The following STK33 variants were observed in gnomAD, a reference collection of about 807,000 sequenced individuals.
STK33 encodes serine/threonine kinase 33.
A neutral mutation model predicts 58.0 loss-of-function variants in STK33; 52 were observed. The observed-to-expected ratio is 0.90, with a 90% CI of 0.72 to 1.13. The LOEUF is 1.13. STK33 is among the 50% of genes most tolerant of loss of function. The pLI is 0.00. For missense variants in STK33, 630 were observed against 604.2 expected, an observed-to-expected ratio of 1.04 and a Z score of -0.45; for synonymous variants, 215 against 200.1, an observed-to-expected ratio of 1.07 and a Z score of -0.63.
chr11:8,523,655 G>A (rs925258954), intron 1 of STK33, among the ~76,000 whole-genome samples: 5 of 151,288 alleles, frequency 3.3e-5, no homozygotes, highest in Non-Finnish European at 5.9e-5. Flanking sequence ...CCCAGTCCGG[G>A]AGGTGGGGGG....
At chr11:8,343,546 G>A in the STK33 span, among the ~76,000 whole-genome samples, 2 of 152,132 alleles carry the variant, frequency 1.3e-5, no homozygotes, top group Non-Finnish European at 2.9e-5. Context: ...CCGCACACTC[G>A]GGCAGAAAGA....
intron 1 of STK33, among the ~76,000 whole-genome samples, chr11:8,589,885 GA>G (rs2032319329): frequency 6.6e-6 from 1 of 152,174 alleles, no homozygotes; most frequent in Admixed American, 6.5e-5. Context: ...GGATTTCCAT[GA>G]AAAATATCCA....
chr11:8,418,288 G>C (rs1941414220), intron 14 of STK33, among the ~76,000 whole-genome samples: 2 of 151,780 alleles, frequency 1.3e-5, no homozygotes, highest in South Asian at 2.1e-4. Flanking sequence ...TCCCCTCTTT[G>C]TGTCCATGAG....
intron 1 of STK33, among the ~76,000 whole-genome samples, chr11:8,499,675 T>C (rs1951355789): frequency 6.6e-6 from 1 of 152,162 alleles, no homozygotes; most frequent in South Asian, 2.1e-4. Flanking sequence ...CCAAGCCAAA[T>C]ATCCATCAAT....
At chr11:8,354,474 T>TCACACACACA in the STK33 span, among the ~76,000 whole-genome samples, 2,790 of 124,684 alleles carry the variant, frequency 0.022, 64 homozygotes, top group African/African-American at 0.035. Context: ...CTGCAAAACC[T>TCACACACACA]CACACACACA....
At chr11:8,487,748 C>G (rs914922835) in intron 1 of STK33, among the ~76,000 whole-genome samples, 1 of 152,028 alleles carries the variant, frequency 6.6e-6, no homozygotes, top group African/African-American at 2.4e-5. Flanking sequence ...CTGTGGAATA[C>G]CATCAGCAAA....
chr11:8,571,331 T>A (rs72855112), intron 1 of STK33, among the ~76,000 whole-genome samples: 1,647 of 152,304 alleles, frequency 0.011, 15 homozygotes, highest in Middle Eastern at 0.041. Context: ...CATTGTATGA[T>A]TCCACTTATA....
intron 15 of STK33, among the ~76,000 whole-genome samples, chr11:8,394,979 G>C (rs930336047): frequency 6.6e-6 from 1 of 152,064 alleles, no homozygotes; most frequent in Non-Finnish European, 1.5e-5. Context: ...TGCCCCCAAA[G>C]ACAACCAATA....
rs34739881 is a variant in STK33, at chr11:8,421,077, CTT to C, written c.1147-7387_1147-7386del. ...TTTTGCTTATTTCCAGTACAAAAGC[CTT>C]TTCTCAGTTTATAACTTATCAGCTT... On this transcript the variant is annotated intron_variant, in intron 14 of 15. Transcript: ENST00000687296. Among the ~76,000 whole-genome samples, 1,280 of 151,946 alleles carry C rather than the reference CTT, an allele frequency of 8.4e-3. 16 individuals are homozygous for C. Among genetic ancestry groups the C allele is most frequent in the African/African-American group, 0.028 (1,180 of 41,470 alleles).
At chr11:8,543,823 T>C (rs777774500) in intron 1 of STK33, among the ~76,000 whole-genome samples, 1 of 152,122 alleles carries the variant, frequency 6.6e-6, no homozygotes, top group African/African-American at 2.4e-5. Flanking sequence ...ATATTACACA[T>C]TGCATGCATG....
At chr11:8,461,976 T>G in intron 7 of STK33, 67 bp from the exon 8 acceptor site, 2 of 1,245,726 alleles carry the variant, frequency 1.6e-6, no homozygotes, top group Non-Finnish European at 2.2e-6. Context: ...GATAGAAAAG[T>G]TATTTTATGT....
At chr11:8,397,431 G>T (rs1433686237) in intron 15 of STK33, among the ~76,000 whole-genome samples, 1 of 152,130 alleles carries the variant, frequency 6.6e-6, no homozygotes, top group East Asian at 1.9e-4. Context: ...CTAACAAACA[G>T]AAAGGACATC....
chr11:8,492,711 A>G (rs1319593243), intron 1 of STK33, among the ~76,000 whole-genome samples: 1 of 152,234 alleles, frequency 6.6e-6, no homozygotes, highest in East Asian at 1.9e-4. Context: ...AGCTCTCCTC[A>G]GCAAATGTAA....
chr11:8,491,547 C>T (rs1950611757), intron 1 of STK33, among the ~76,000 whole-genome samples: 1 of 152,158 alleles, frequency 6.6e-6, no homozygotes, highest in Non-Finnish European at 1.5e-5. Flanking sequence ...AGAATTTCCC[C>T]AACCTAGCAA....
At chr11:8,493,555 T>G (rs917587227) in intron 1 of STK33, among the ~76,000 whole-genome samples, 3 of 152,084 alleles carry the variant, frequency 2.0e-5, no homozygotes, top group Admixed American at 6.6e-5. Context: ...TGAAACGATT[T>G]CAATCAATAG....
At chr11:8,487,444 A>AAT (rs1950269834) in intron 1 of STK33, among the ~76,000 whole-genome samples, 2 of 147,618 alleles carry the variant, frequency 1.4e-5, no homozygotes, top group Non-Finnish European at 3.0e-5. Flanking sequence ...AAAAAAAAAG[A>AAT]GAGAGAGAGA....
In STK33 at chr11:8,392,957, G is replaced by A. The variant is rs569066248; in HGVS notation, c.1345-247C>T. Among the ~76,000 whole-genome samples, 88 of 152,292 alleles carry A rather than the reference G, an allele frequency of 5.8e-4. 2 individuals are homozygous for A. The South Asian group carries it at 0.015, about 26-fold the overall frequency. Reference sequence around the variant, plus strand: ...CAGGCTCAATTTCGAAACCTCTGTCGTCCAAAATGTAAGTAAATGTCTGGT... The same window carrying A: ...CAGGCTCAATTTCGAAACCTCTGTCATCCAAAATGTAAGTAAATGTCTGGT... On this transcript the variant is annotated intron_variant, in intron 15 of 15. Transcript: ENST00000687296.
the STK33 span, among the ~76,000 whole-genome samples, chr11:8,335,062 T>C: frequency 6.6e-6 from 1 of 151,992 alleles, no homozygotes; most frequent in Non-Finnish European, 1.5e-5. Context: ...TGCCAGGAAG[T>C]GGGGTCTCAG....
chr11:8,380,431 G>T, the STK33 span, among the ~76,000 whole-genome samples: 1 of 151,966 alleles, frequency 6.6e-6, no homozygotes, highest in Non-Finnish European at 1.5e-5. Context: ...ATGGTCATGG[G>T]CACCTGTAAT....
Sources: allele counts gnomAD v4.1 joint callset (sites outside exome capture counted in the v4.1 genomes callset), GRCh38; gene constraint gnomAD v4.1.1; transcripts MANE v1.5; gene names NCBI Gene and HGNC (gene_info 2026-07-23, HGNC 2026-07-21).